Variants in GLIS3 observed in about 807,000 individuals in gnomAD.
The protein encoded by GLIS3 is zinc finger protein GLIS3.
GLIS3 carries 53 observed loss-of-function variants against 78.6 expected under a neutral mutation model. The ratio of observed to expected loss-of-function variants is 0.67; its 90% CI spans 0.54 to 0.85. The LOEUF (loss-of-function observed/expected upper bound fraction) is 0.85. Among genes scored for constraint, GLIS3 ranks in the 40% least tolerant of loss-of-function variants. The pLI is 0.00. For missense variants in GLIS3, 1,703 were observed against 1,231.1 expected (o/e 1.38, Z -5.74); for synonymous variants, 684 against 509.9 (o/e 1.34, Z -4.60).
At chr9:4,460,795 C>G in the GLIS3 span, among the ~76,000 whole-genome samples, 1 of 152,110 alleles carries the variant, frequency 6.6e-6, no homozygotes, top group Non-Finnish European at 1.5e-5. Flanking sequence ...TTCTTTCTTT[C>G]TAGTTCTGAC....
At chr9:4,046,387 G>A (rs968428468) in intron 4 of GLIS3, among the ~76,000 whole-genome samples, 1 of 152,144 alleles carries the variant, frequency 6.6e-6, no homozygotes, top group Non-Finnish European at 1.5e-5. Context: ...GAGAGGGTTG[G>A]CAGGCATGAG....
intron 8 of GLIS3, among the ~76,000 whole-genome samples, chr9:3,863,974 T>A (rs1820407147): frequency 6.6e-6 from 1 of 152,142 alleles, no homozygotes. Context: ...TTTTCTGGAA[T>A]ATCCTGACTG....
chr9:4,449,864 G>C, the GLIS3 span, among the ~76,000 whole-genome samples: 12 of 152,154 alleles, frequency 7.9e-5, no homozygotes, highest in East Asian at 1.2e-3. Context: ...AGGACCAAAG[G>C]TAGATAAAAC....
chr9:4,019,714 C>A (rs1343613592), intron 4 of GLIS3, among the ~76,000 whole-genome samples: 2 of 152,056 alleles, frequency 1.3e-5, no homozygotes, highest in Non-Finnish European at 2.9e-5. Context: ...AAGATGCCAG[C>A]TGCAATTTTA....
intron 2 of GLIS3, among the ~76,000 whole-genome samples, chr9:4,248,631 T>C (rs1001406652): frequency 1.3e-5 from 2 of 152,218 alleles, no homozygotes; most frequent in African/African-American, 4.8e-5. Flanking sequence ...GGTCAAATGG[T>C]ATTTCTGGTT....
At chr9:4,308,990 A>AG (rs1408995359) in intron 3 of GLIS3, 2 of 152,262 alleles carry the variant, frequency 1.3e-5, no homozygotes, top group African/African-American at 2.4e-5. Context: ...GAATGAATAT[A>AG]GTCAGGTATT....
At chr9:4,211,501 C>G (rs559556022) in intron 2 of GLIS3, among the ~76,000 whole-genome samples, 2 of 152,282 alleles carry the variant, frequency 1.3e-5, no homozygotes, top group South Asian at 4.2e-4. Flanking sequence ...CAACACCAGA[C>G]GGAGGGATGA....
At chr9:4,480,278 C>T in the GLIS3 span, among the ~76,000 whole-genome samples, 1 of 147,322 alleles carries the variant, frequency 6.8e-6, no homozygotes, top group Non-Finnish European at 1.5e-5. Flanking sequence ...AATCACAGCT[C>T]ACTGCAGTCT....
chr9:4,004,117 G>A (rs1036744824), intron 4 of GLIS3, among the ~76,000 whole-genome samples: 2 of 152,160 alleles, frequency 1.3e-5, no homozygotes, highest in Non-Finnish European at 2.9e-5. Context: ...TCTTATTCAA[G>A]TAACAGACAT....
At chr9:4,438,607 A>T in the GLIS3 span, among the ~76,000 whole-genome samples, 1 of 152,330 alleles carries the variant, frequency 6.6e-6, no homozygotes, top group Non-Finnish European at 1.5e-5. Flanking sequence ...CCTCACCCAA[A>T]TCTCACCTTG....
intron 9 of GLIS3, among the ~76,000 whole-genome samples, chr9:3,846,726 C>T (rs925908316): frequency 6.6e-6 from 1 of 152,176 alleles, no homozygotes; most frequent in African/African-American, 2.4e-5. Context: ...ACTTTACTAC[C>T]ACACACTCAG....
the GLIS3 span, among the ~76,000 whole-genome samples, chr9:4,411,147 C>T: frequency 6.6e-6 from 1 of 152,134 alleles, no homozygotes; most frequent in Admixed American, 6.5e-5. Context: ...CTCACAATGT[C>T]CTCTTGAATT....
At chr9:4,117,559 G>A (rs1338780671) in intron 4 of GLIS3, among the ~76,000 whole-genome samples, 1 of 152,106 alleles carries the variant, frequency 6.6e-6, no homozygotes, top group Non-Finnish European at 1.5e-5. Flanking sequence ...GGGATGGATC[G>A]TGTACCTTTG....
intron 2 of GLIS3, among the ~76,000 whole-genome samples, chr9:4,319,883 A>C (rs978559774): frequency 6.6e-6 from 1 of 152,170 alleles, no homozygotes; most frequent in Admixed American, 6.5e-5. Context: ...AATATTAATG[A>C]ATGATTTAGA....
At chr9:3,868,221 C>T (rs533714970) in intron 8 of GLIS3, among the ~76,000 whole-genome samples, 32 of 152,340 alleles carry the variant, frequency 2.1e-4, no homozygotes, top group Middle Eastern at 3.4e-3. Context: ...AGACAAATTG[C>T]AACCATAAGA....
chr9:4,297,347 C>A lies in GLIS3; in HGVS notation c.-99+2074G>T, dbSNP rs1587353613. On this transcript the variant is annotated intron_variant, in intron 1 of 10. Transcript: ENST00000381971. ...GGGTCTGCGACAACTGGCTGTGAGG[C>A]CTTGGGCAAAACCTCTAACGTCTCT... Among the ~76,000 whole-genome samples the A allele has an allele frequency of 3.9e-5, 6 of 152,184 alleles. No homozygotes were observed. In the South Asian group the frequency reaches 1.2e-3, roughly 32 times the overall value.
At chr9:3,836,428 T>G (rs1021807088) in intron 9 of GLIS3, among the ~76,000 whole-genome samples, 4 of 152,242 alleles carry the variant, frequency 2.6e-5, no homozygotes, top group African/African-American at 4.8e-5. Context: ...TGCAGGGACA[T>G]GTAGAAGCAT....
intron 7 of GLIS3, among the ~76,000 whole-genome samples, chr9:3,881,539 C>T (rs1190198130): frequency 2.0e-5 from 3 of 152,140 alleles, no homozygotes; most frequent in African/African-American, 7.2e-5. Context: ...TTGGCATTAG[C>T]TACAATGACA....
At chr9:4,195,168 G>C (rs1408321944) in intron 2 of GLIS3, among the ~76,000 whole-genome samples, 2 of 152,244 alleles carry the variant, frequency 1.3e-5, no homozygotes, top group African/African-American at 2.4e-5. Flanking sequence ...TGCTCTCAGC[G>C]CCTCCTCGGC....
Sources: gnomAD v4.1 joint callset for allele counts (sites outside exome capture counted in the v4.1 genomes callset) on GRCh38, gnomAD v4.1.1 for gene constraint, MANE v1.5 for transcripts, NCBI Gene and HGNC (gene_info 2026-07-23, HGNC 2026-07-21) for gene names.